The following CHRM5 variants were observed in gnomAD, a reference collection of about 807,000 sequenced individuals.
The protein encoded by CHRM5 is cholinergic receptor muscarinic 5, also known as muscarinic acetylcholine receptor M5.
CHRM5 carries 18 observed loss-of-function variants against 39.0 expected under a neutral mutation model. The ratio of observed to expected loss-of-function variants is 0.46; its 90% CI spans 0.32 to 0.68. The LOEUF is 0.68. CHRM5 is among the 30% of genes least tolerant of loss of function. The pLI is 0.04. For missense variants in CHRM5, 515 were observed against 651.1 expected (o/e 0.79, Z 2.28); for synonymous variants, 241 against 246.3 (o/e 0.98, Z 0.20).
At chr15:34,022,173 C>T (rs1250697554) in intron 1 of CHRM5, among the ~76,000 whole-genome samples, 2 of 152,212 alleles carry the variant, frequency 1.3e-5, no homozygotes, top group African/African-American at 4.8e-5. Context: ...TCTATTGCTC[C>T]TCAGACATCA....
chr15:34,025,659 T>C (rs965454524), intron 1 of CHRM5, among the ~76,000 whole-genome samples: 3 of 152,192 alleles, frequency 2.0e-5, no homozygotes, highest in Non-Finnish European at 4.4e-5. Context: ...GAAATACACA[T>C]TGAAGTGTTT....
At chr15:34,005,104 T>A (rs1446799616) in intron 1 of CHRM5, among the ~76,000 whole-genome samples, 1 of 152,160 alleles carries the variant, frequency 6.6e-6, no homozygotes, top group East Asian at 1.9e-4. Flanking sequence ...CACTAACCCC[T>A]CAGTACACAT....
At chr15:34,000,812 T>C (rs1297597309) in intron 1 of CHRM5, among the ~76,000 whole-genome samples, 3 of 151,824 alleles carry the variant, frequency 2.0e-5, no homozygotes, top group Admixed American at 2.0e-4. Context: ...TAAGCACATA[T>C]CAAAAGACAA....
At chr15:34,000,532 A>G (rs544352159) in intron 1 of CHRM5, among the ~76,000 whole-genome samples, 2 of 152,352 alleles carry the variant, frequency 1.3e-5, no homozygotes, top group South Asian at 4.1e-4. Context: ...CACCTAAGGA[A>G]CCAACAATAT....
At chr15:34,000,412 T>C (rs1567458800) in intron 1 of CHRM5, among the ~76,000 whole-genome samples, 1 of 152,136 alleles carries the variant, frequency 6.6e-6, no homozygotes, top group Non-Finnish European at 1.5e-5. Context: ...CTGGTCACAA[T>C]TTAAAAGTCC....
chr15:34,014,379 A>AAC (rs1897779075), intron 1 of CHRM5, among the ~76,000 whole-genome samples: 1 of 119,310 alleles, frequency 8.4e-6, no homozygotes, highest in Non-Finnish European at 1.8e-5. Context: ...AAAAAAAAAA[A>AAC]AAAAACAAAA....
At chr15:33,996,887 G>A (rs970831832) in intron 1 of CHRM5, among the ~76,000 whole-genome samples, 2 of 152,190 alleles carry the variant, frequency 1.3e-5, no homozygotes, top group East Asian at 3.9e-4. Flanking sequence ...GGCTTCGGAA[G>A]GCTGGTAATA....
At chr15:34,014,222 G>A (rs1897765636) in intron 1 of CHRM5, among the ~76,000 whole-genome samples, 1 of 151,932 alleles carries the variant, frequency 6.6e-6, no homozygotes, top group Non-Finnish European at 1.5e-5. Context: ...AAATTAGCCA[G>A]GCGTGGTGGC....
In CHRM5 at chr15:34,063,853, A is replaced by G. The variant is rs143611760; in HGVS notation, c.1136A>G (p.Tyr379Cys). ...HRPKSQKCVA[Y>C]KFRLVVKADG... ...CCCAAGAGTCAGAAATGTGTGGCCT[A>G]TAAGTTCCGATTGGTGGTAAAAGCT... The change falls in exon 3 of 3, where the codon TAT becomes TGT. Residue 379 changes from tyrosine (Y) to cysteine (C), a missense_variant. Coordinates refer to ENST00000383263, the MANE Select transcript of CHRM5 (RefSeq NM_012125.4). This position sits in a 1 kb window ranked among gnomAD's most constrained non-coding sequence, Gnocchi z 4.1. The G allele has an allele frequency of 9.3e-6, 15 of 1,614,064 alleles. No individual in the cohort carries two copies. The highest frequency in any genetic ancestry group is 1.2e-5 in the Non-Finnish European group (14 of 1,180,046).
intron 1 of CHRM5, among the ~76,000 whole-genome samples, chr15:34,011,873 A>G (rs573840366): frequency 5.3e-5 from 8 of 152,324 alleles, no homozygotes; most frequent in South Asian, 2.1e-4. Context: ...TGCGAGTTCT[A>G]TGCTTCAATG....
chr15:34,042,514 C>T (rs1899514683), intron 1 of CHRM5, among the ~76,000 whole-genome samples: 1 of 151,268 alleles, frequency 6.6e-6, no homozygotes, highest in Admixed American at 6.6e-5. Context: ...GATTCTCCTG[C>T]CTCAGCTTCC....
chr15:33,969,065 G>C lies in CHRM5; in HGVS notation c.-493G>C, dbSNP rs527861516. The C allele has an allele frequency of 6.6e-6, 1 of 152,140 alleles. No individual in the cohort carries two copies. The highest frequency in any genetic ancestry group is 2.1e-4 in the South Asian group (1 of 4,822). 9.4% of individuals were successfully genotyped at this position (152,140 alleles called of 1,614,324 possible). On this transcript the variant is annotated 5_prime_UTR_variant, in exon 1 of 3. Coordinates refer to ENST00000383263, the MANE Select transcript of CHRM5 (RefSeq NM_012125.4). ...ACACTGGCAAAATAAAACATGAAAGGAAAGTAGAGAAGGCATTTTGGGTCT... is the reference window on the plus strand; with the variant it reads ...ACACTGGCAAAATAAAACATGAAAGCAAAGTAGAGAAGGCATTTTGGGTCT...
intron 1 of CHRM5, among the ~76,000 whole-genome samples, chr15:33,976,886 C>G (rs1438016312): frequency 6.6e-6 from 1 of 152,106 alleles, no homozygotes; most frequent in Non-Finnish European, 1.5e-5. Flanking sequence ...CTTCCCATCC[C>G]TGAGTCAGCC....
intron 1 of CHRM5, among the ~76,000 whole-genome samples, chr15:33,971,761 A>T (rs1303656723): frequency 6.6e-6 from 1 of 152,122 alleles, no homozygotes; most frequent in Non-Finnish European, 1.5e-5. Context: ...GCTTAATTCA[A>T]CTGGGCATTT....
At chr15:34,037,169 A>C (rs1899180460) in intron 1 of CHRM5, among the ~76,000 whole-genome samples, 1 of 152,170 alleles carries the variant, frequency 6.6e-6, no homozygotes. Context: ...AGAGATTAAC[A>C]AAACAGAAGC....
At chr15:33,988,664 G>T (rs1176768470) in intron 1 of CHRM5, among the ~76,000 whole-genome samples, 1 of 152,204 alleles carries the variant, frequency 6.6e-6, no homozygotes, top group Non-Finnish European at 1.5e-5. Flanking sequence ...TAACCCTTCT[G>T]AGGACACTGG....
At chr15:33,985,140 G>T (rs567770620) in intron 1 of CHRM5, among the ~76,000 whole-genome samples, 23 of 152,076 alleles carry the variant, frequency 1.5e-4, no homozygotes, top group African/African-American at 5.3e-4. Flanking sequence ...ACTATGCAGG[G>T]TCTGAGATTC....
intron 1 of CHRM5, among the ~76,000 whole-genome samples, chr15:34,009,468 A>AT (rs573668905): frequency 5.9e-5 from 9 of 152,184 alleles, no homozygotes; most frequent in African/African-American, 1.4e-4. Context: ...TATAACATAG[A>AT]TTTTTTTAAA....
chr15:33,995,873 G>A (rs532086413), intron 1 of CHRM5, among the ~76,000 whole-genome samples: 89 of 152,342 alleles, frequency 5.8e-4, no homozygotes, highest in African/African-American at 2.0e-3. Context: ...GAAGCGGGGC[G>A]GGGCGCTGCC....
Sources: allele counts gnomAD v4.1 joint callset (sites outside exome capture counted in the v4.1 genomes callset), GRCh38; gene constraint gnomAD v4.1.1; non-coding constraint Gnocchi (gnomAD v3.1); transcripts MANE v1.5; gene names NCBI Gene and HGNC (gene_info 2026-07-23, HGNC 2026-07-21).